Variants in TAS2R1 observed in about 807,000 individuals in gnomAD.
TAS2R1 encodes taste receptor type 2 member 1.
For missense variants in TAS2R1, 370 were observed against 353.4 expected, an observed-to-expected ratio of 1.05 and a Z score of -0.38; for synonymous variants, 141 against 134.2, an observed-to-expected ratio of 1.05 and a Z score of -0.35.
At chr5:9,675,262 T>C (rs567023749) in intron 1 of TAS2R1, among the ~76,000 whole-genome samples, 18 of 151,494 alleles carry the variant, frequency 1.2e-4, no homozygotes, top group Middle Eastern at 3.5e-3. Flanking sequence ...ACTTGATCCA[T>C]AGAGTCATCC....
chr5:9,652,299 G>C (rs1740322198), intron 2 of TAS2R1, among the ~76,000 whole-genome samples: 1 of 152,198 alleles, frequency 6.6e-6, no homozygotes, highest in Admixed American at 6.5e-5. Flanking sequence ...ATGAGTATCT[G>C]AGCAGCTCTT....
At chr5:9,698,187 T>C (rs1741399335) in intron 1 of TAS2R1, among the ~76,000 whole-genome samples, 6 of 152,218 alleles carry the variant, frequency 3.9e-5, no homozygotes, top group Admixed American at 3.9e-4. Context: ...GACTGGAACC[T>C]GTTGAATATT....
chr5:9,764,428 G>C, the TAS2R1 span, among the ~76,000 whole-genome samples: 3 of 152,080 alleles, frequency 2.0e-5, no homozygotes, highest in Non-Finnish European at 4.4e-5. Context: ...TAGCATTTTC[G>C]AGCTGTTCCC....
chr5:9,884,607 C>T, the TAS2R1 span, among the ~76,000 whole-genome samples: 1 of 151,782 alleles, frequency 6.6e-6, no homozygotes, highest in African/African-American at 2.4e-5. Flanking sequence ...TTATAAAACA[C>T]AAGTTACTAT....
chr5:9,724,368 G>A, the TAS2R1 span, among the ~76,000 whole-genome samples: 1 of 97,980 alleles, frequency 1.0e-5, no homozygotes, highest in Non-Finnish European at 2.1e-5. Flanking sequence ...TTTTTACTAT[G>A]TTGAATTATT....
the TAS2R1 span, among the ~76,000 whole-genome samples, chr5:9,745,223 A>C: frequency 6.6e-6 from 1 of 152,206 alleles, no homozygotes; most frequent in East Asian, 1.9e-4. Flanking sequence ...AGGAGTTGGC[A>C]ACTGGAGGAA....
the TAS2R1 span, among the ~76,000 whole-genome samples, chr5:9,732,660 C>T: frequency 6.6e-6 from 1 of 152,012 alleles, no homozygotes; most frequent in Non-Finnish European, 1.5e-5. Context: ...AACAAACAAG[C>T]AAATATGTAG....
At chr5:9,842,312 CTCTCTTTTTTTT>C in the TAS2R1 span, among the ~76,000 whole-genome samples, 3 of 120,378 alleles carry the variant, frequency 2.5e-5, no homozygotes, top group Non-Finnish European at 5.3e-5. Context: ...GTCTTTCTTT[CTCTCTTTTTTTT>C]TTTTTTTTTT....
chr5:9,806,143 T>C, the TAS2R1 span, among the ~76,000 whole-genome samples: 1 of 151,968 alleles, frequency 6.6e-6, no homozygotes, highest in Non-Finnish European at 1.5e-5. Context: ...CAATCCCTTT[T>C]ACAATAGCTG....
the TAS2R1 span, among the ~76,000 whole-genome samples, chr5:9,831,952 G>T: frequency 2.0e-5 from 3 of 152,082 alleles, no homozygotes; most frequent in Admixed American, 1.3e-4. Flanking sequence ...TGACAATTTC[G>T]CAATGGAAAA....
At chr5:9,756,401 T>C in the TAS2R1 span, among the ~76,000 whole-genome samples, 1 of 152,210 alleles carries the variant, frequency 6.6e-6, no homozygotes, top group Admixed American at 6.5e-5. Flanking sequence ...GTTTGATCAA[T>C]GTCTCCCAAG....
chr5:9,892,080 C>T, the TAS2R1 span, among the ~76,000 whole-genome samples: 1 of 152,286 alleles, frequency 6.6e-6, no homozygotes, highest in African/African-American at 2.4e-5. Flanking sequence ...ACACACACAC[C>T]CCAACCCTCT....
chr5:9,880,538 T>C, the TAS2R1 span, among the ~76,000 whole-genome samples: 1 of 152,218 alleles, frequency 6.6e-6, no homozygotes, highest in African/African-American at 2.4e-5. Flanking sequence ...TTCTTAGTTA[T>C]AGAGGGGCTG....
At chr5:9,873,095 T>C in the TAS2R1 span, among the ~76,000 whole-genome samples, 1 of 152,306 alleles carries the variant, frequency 6.6e-6, no homozygotes, top group Admixed American at 6.5e-5. Context: ...AAACAAAGAA[T>C]TAAAGAGGCT....
the TAS2R1 span, among the ~76,000 whole-genome samples, chr5:9,845,408 T>C: frequency 1.3e-5 from 2 of 152,242 alleles, no homozygotes; most frequent in East Asian, 1.9e-4. Flanking sequence ...AGTAAACATT[T>C]AATGATATTT....
At chr5:9,635,284 C>T (rs146556163), upstream of TAS2R1, among the ~76,000 whole-genome samples, 98 of 152,248 alleles carry the variant, frequency 6.4e-4, no homozygotes, top group African/African-American at 2.2e-3. Context: ...TCATGCATCC[C>T]TAGCATAAAA....
chr5:9,651,971 AT>A (rs1740315052), intron 2 of TAS2R1, among the ~76,000 whole-genome samples: 1 of 152,202 alleles, frequency 6.6e-6, no homozygotes, highest in South Asian at 2.1e-4. Context: ...GATTTTTGTC[AT>A]GACTGTCACT....
At chr5:9,829,290 C>T in the TAS2R1 span, among the ~76,000 whole-genome samples, 1 of 152,302 alleles carries the variant, frequency 6.6e-6, no homozygotes, top group Admixed American at 6.5e-5. Flanking sequence ...TAATCATACA[C>T]AGACCTAATA....
the TAS2R1 span, among the ~76,000 whole-genome samples, chr5:9,764,932 TTACA>T: frequency 1.3e-4 from 20 of 152,286 alleles, no homozygotes; most frequent in African/African-American, 4.8e-4. Context: ...ATGAGACTAC[TTACA>T]TAAACTGTGA....
Sources: allele counts gnomAD v4.1 joint callset (sites outside exome capture counted in the v4.1 genomes callset), GRCh38; gene constraint gnomAD v4.1.1; transcripts MANE v1.5; gene names NCBI Gene and HGNC (gene_info 2026-07-23, HGNC 2026-07-21).